GABPB1: variants seen among roughly 807,000 people sequenced by gnomAD.
GABPB1 encodes GA binding protein transcription factor subunit beta 1, also known as GA-binding protein subunit beta-1.
Under a neutral mutation model 45.9 loss-of-function variants are expected in GABPB1, and 15 were observed. That is an observed-to-expected ratio of 0.33 (90% CI 0.22 to 0.50). GABPB1 has a LOEUF of 0.50. Ranked by LOEUF, GABPB1 falls within the 20% of genes least tolerant of loss-of-function variation. The probability of loss-of-function intolerance (pLI) is 0.98; values close to 1 mark genes in which losing one functional copy is unlikely to be tolerated. For synonymous variants in GABPB1, 143 were observed against 154.4 expected (o/e 0.93, Z 0.55); for missense variants, 252 against 457.5 (o/e 0.55, Z 4.10).
chr15:50,353,376 A>T (rs1471176182), intron 1 of GABPB1: 1 of 151,836 alleles, frequency 6.6e-6, no homozygotes, highest in African/African-American at 2.4e-5. Flanking sequence ...AGAATGACAC[A>T]TTTCTGTTTT....
At position 50,276,129 on chromosome 15, in the gene GABPB1, CAATT is replaced by C. The variant is rs2045836162; in HGVS notation, c.*2499_*2502del. 6.6e-6 allele frequency: 1 copy of C among 152,216 alleles called. No homozygotes were observed. Among genetic ancestry groups the C allele is most frequent in the African/African-American group, 2.4e-5 (1 of 41,452 alleles). The allele number at this position is 152,216 out of a possible 1,614,324, so 9.4% of individuals were successfully genotyped here. On this transcript the variant is annotated 3_prime_UTR_variant, in exon 9 of 9. Coordinates refer to ENST00000380877, the MANE Select transcript of GABPB1 (RefSeq NM_016654.5). ...GTGTTTGTTCACACATATGTGGAAA[CAATT>C]AACCAGTGATGTGGCAACCAGATGA... is the stretch of plus-strand genomic sequence containing the variant.
intron 1 of GABPB1, among the ~76,000 whole-genome samples, chr15:50,315,518 T>C (rs2047292224): frequency 6.6e-6 from 1 of 152,172 alleles, no homozygotes; most frequent in Non-Finnish European, 1.5e-5. Context: ...AAGATTGAAA[T>C]CAATGGAAGA....
rs142302565 is a variant in GABPB1 at position 50,330,318 on chromosome 15, T to C, written c.1-20520A>G. 9.0e-3 allele frequency among the ~76,000 whole-genome samples: 1,376 copies of C among 152,300 alleles called. 13 individuals carry two copies. The highest frequency in any genetic ancestry group is 0.034 in the Middle Eastern group (10 of 294). On this transcript the variant is annotated intron_variant, in intron 1 of 8. Coordinates refer to ENST00000380877, the MANE Select transcript of GABPB1 (RefSeq NM_016654.5). Reference sequence around the variant, plus strand: ...AAATACTGCATAGAGATTTTTCTCATTCTGTTTTACAGCTGCATAGTACTC... The same window carrying C: ...AAATACTGCATAGAGATTTTTCTCACTCTGTTTTACAGCTGCATAGTACTC...
At chr15:50,330,102 A>C (rs2047900790) in intron 1 of GABPB1, among the ~76,000 whole-genome samples, 1 of 151,710 alleles carries the variant, frequency 6.6e-6, no homozygotes, top group Non-Finnish European at 1.5e-5. Context: ...CGAGGTTTTG[A>C]CATGTTGCCC....
Position 50,303,100 on chromosome 15 carries a change from C to T in GABPB1, c.300G>A (p.Lys100=). 3.1e-6 allele frequency: 5 copies of T among 1,611,822 alleles called. No individual in the cohort carries two copies. The highest frequency in any genetic ancestry group is 4.2e-6 in the Non-Finnish European group (5 of 1,179,526). The change falls in exon 4 of 9, where the codon AAG becomes AAA. Residue 100 remains lysine (K), a synonymous_variant. Transcript: ENST00000380877. ...GGAGAGCTGTCATCTTTAACATGTCCTTTGCATTGACATCAGCACCATGCT... is the reference window on the plus strand; with the variant it reads ...GGAGAGCTGTCATCTTTAACATGTCTTTTGCATTGACATCAGCACCATGCT... ...LLKHGADVNA[K]DMLKMTALHW... is the part of the protein sequence containing the mutation.
chr15:50,339,432 G>A (rs1051044810), intron 1 of GABPB1, among the ~76,000 whole-genome samples: 2 of 151,882 alleles, frequency 1.3e-5, no homozygotes, highest in Admixed American at 6.6e-5. Flanking sequence ...CTGGGAAGCA[G>A]AGGTTGCAGT....
chr15:50,282,213 A>G, intron 8 of GABPB1: 2 of 440,152 alleles, frequency 4.5e-6, no homozygotes, highest in Non-Finnish European at 4.5e-6. Context: ...AAATAAATAA[A>G]TAAATACAAA....
rs780283674 is a variant in GABPB1, at chr15:50,278,610, T to G, written c.*22A>C. ...TATTCTTTCTTGACCAAAAGTAAAA[T>G]CAAACTACATGTTCATTTCAATTAA... On this transcript the variant is annotated 3_prime_UTR_variant, in exon 9 of 9. Transcript: ENST00000380877. 6.2e-7 allele frequency: 1 copy of G among 1,604,134 alleles called. No homozygotes were observed. Among genetic ancestry groups the G allele is most frequent in the Non-Finnish European group, 8.5e-7 (1 of 1,175,796 alleles).
intron 1 of GABPB1, among the ~76,000 whole-genome samples, chr15:50,331,300 G>A (rs1025163476): frequency 2.6e-5 from 4 of 152,220 alleles, no homozygotes; most frequent in Admixed American, 2.6e-4. Flanking sequence ...AAAGCCGAGA[G>A]TGTGTAGAAC....
At chr15:50,325,682 C>A (rs549068216) in intron 1 of GABPB1, among the ~76,000 whole-genome samples, 1 of 151,958 alleles carries the variant, frequency 6.6e-6, no homozygotes, top group African/African-American at 2.4e-5. Flanking sequence ...CAGGTGCACA[C>A]CAGCACGCCC....
chr15:50,336,291 T>C (rs1406698261), intron 1 of GABPB1, among the ~76,000 whole-genome samples: 2 of 149,998 alleles, frequency 1.3e-5, no homozygotes, highest in Non-Finnish European at 3.0e-5. Flanking sequence ...GAGGCAGAGG[T>C]TGCAGTAAGC....
chr15:50,300,061 C>A (rs1230784964), intron 6 of GABPB1, among the ~76,000 whole-genome samples: 1 of 152,100 alleles, frequency 6.6e-6, no homozygotes, highest in Non-Finnish European at 1.5e-5. Context: ...CCTATCTTGG[C>A]CTCTCAAAGT....
At chr15:50,305,284 AT>A (rs1432105280) in intron 2 of GABPB1, among the ~76,000 whole-genome samples, 10 of 45,860 alleles carry the variant, frequency 2.2e-4, no homozygotes, top group Non-Finnish European at 4.6e-4. Context: ...CTATCTCTCT[AT>A]CTATCTATCT....
chr15:50,298,244 A>T (rs1048830652), intron 6 of GABPB1, among the ~76,000 whole-genome samples: 1 of 152,106 alleles, frequency 6.6e-6, no homozygotes, highest in African/African-American at 2.4e-5. Flanking sequence ...GGCACCTGCC[A>T]CCATGCCCAG....
intron 6 of GABPB1, among the ~76,000 whole-genome samples, chr15:50,295,758 C>A (rs995814819): frequency 2.6e-5 from 4 of 152,042 alleles, no homozygotes; most frequent in Non-Finnish European, 5.9e-5. Flanking sequence ...CAACTCAACA[C>A]ATTCCCCTCC....
intron 1 of GABPB1, among the ~76,000 whole-genome samples, chr15:50,348,379 C>G: frequency 6.6e-6 from 1 of 152,026 alleles, no homozygotes. Flanking sequence ...CTCGGCCTCC[C>G]GAGTAGCCGA....
At chr15:50,317,121 T>A (rs927151790) in intron 1 of GABPB1, among the ~76,000 whole-genome samples, 2 of 151,982 alleles carry the variant, frequency 1.3e-5, no homozygotes, top group Non-Finnish European at 2.9e-5. Flanking sequence ...TGGAGCCGAG[T>A]GTAGTGGCTC....
intron 7 of GABPB1, among the ~76,000 whole-genome samples, chr15:50,286,893 C>T (rs556404218): frequency 3.9e-5 from 6 of 152,076 alleles, no homozygotes; most frequent in Non-Finnish European, 8.8e-5. Flanking sequence ...TGAAACCATG[C>T]GAAGCCATTT....
At chr15:50,285,779 T>G (rs2046133457) in intron 8 of GABPB1, 1 of 1,172,218 alleles carries the variant, frequency 8.5e-7, no homozygotes. Flanking sequence ...GTAAGAATGG[T>G]GTGTGTAAGT....
Sources: gnomAD v4.1 joint callset for allele counts (sites outside exome capture counted in the v4.1 genomes callset) on GRCh38, gnomAD v4.1.1 for gene constraint, MANE v1.5 for transcripts, NCBI Gene and HGNC (gene_info 2026-07-23, HGNC 2026-07-21) for gene names.